Variants in KLHL1 observed in about 807,000 individuals in gnomAD.
KLHL1 encodes the protein kelch like family member 1.
Under a neutral mutation model 77.7 loss-of-function variants are expected in KLHL1, and 47 were observed. That is an observed-to-expected ratio of 0.60 (90% CI 0.48 to 0.77). The LOEUF is 0.77. Among genes scored for constraint, KLHL1 ranks in the 30% least tolerant of loss-of-function variants. The probability of loss-of-function intolerance (pLI) is 0.00; values close to 1 mark genes in which losing one functional copy is unlikely to be tolerated. For missense variants in KLHL1, 925 were observed against 910.8 expected, an observed-to-expected ratio of 1.02 and a Z score of -0.20; for synonymous variants, 360 against 325.2, an observed-to-expected ratio of 1.11 and a Z score of -1.15.
chr13:69,746,308 T>G (rs1397382481), intron 7 of KLHL1, among the ~76,000 whole-genome samples: 2 of 151,822 alleles, frequency 1.3e-5, no homozygotes, highest in East Asian at 3.8e-4. Context: ...TATTTTGGCT[T>G]ACTTCAATGA....
At chr13:69,852,787 G>A (rs1008942011) in intron 5 of KLHL1, among the ~76,000 whole-genome samples, 1 of 151,906 alleles carries the variant, frequency 6.6e-6, no homozygotes, top group East Asian at 1.9e-4. Flanking sequence ...ATTCCACTGG[G>A]CATATACTTT....
Position 69,785,438 on chromosome 13 carries a change from A to AGAT in KLHL1, c.1639+11297_1639+11299dup, listed in dbSNP as rs576423065. On this transcript the variant is annotated intron_variant, in intron 7 of 10. Coordinates refer to ENST00000377844, the MANE Select transcript of KLHL1 (RefSeq NM_020866.3). ...CATAACGAAATGAAGGCAGAAATAAAGATGTTCTTTGAAACCTATGAGAAC... is the reference window on the plus strand; with the variant it reads ...CATAACGAAATGAAGGCAGAAATAAAGATGATGTTCTTTGAAACCTATGAGAAC... Among the ~76,000 whole-genome samples, 494 of 152,284 alleles carry AGAT rather than the reference A, an allele frequency of 3.2e-3. 3 individuals carry two copies. The highest frequency in any genetic ancestry group is 0.011 in the African/African-American group (472 of 41,552).
At chr13:69,912,235 AT>A (rs1882262584) in intron 4 of KLHL1, among the ~76,000 whole-genome samples, 1 of 152,120 alleles carries the variant, frequency 6.6e-6, no homozygotes, top group Non-Finnish European at 1.5e-5. Flanking sequence ...AAAGTTGATA[AT>A]TTCTTCCTGT....
intron 5 of KLHL1, among the ~76,000 whole-genome samples, chr13:69,871,781 A>G (rs755407286): frequency 6.6e-6 from 1 of 151,134 alleles, no homozygotes; most frequent in Non-Finnish European, 1.5e-5. Flanking sequence ...TCCAGTTCCC[A>G]ATAAGTTCCT....
In KLHL1 at chr13:69,978,488, ATTTT is replaced by A. The variant is rs66960703; in HGVS notation, c.498-2690_498-2687del. 6.5e-3 allele frequency among the ~76,000 whole-genome samples: 909 copies of A among 139,752 alleles called. 8 individuals are homozygous for A. Among genetic ancestry groups the A allele is most frequent in the Middle Eastern group, 0.022 (6 of 272 alleles). The allele number at this position is 139,752 out of a possible 152,430, so 91.7% of individuals were successfully genotyped here. A position where few individuals can be genotyped will look rare whatever the true frequency, so the allele number is the denominator to read the frequency against. ...TTAAAGGAAATATTCTGGTCAGAAT[ATTTT>A]TTTTTTTTTTTTGAGACAAAGTCTC... On this transcript the variant is annotated intron_variant, in intron 1 of 10. Transcript: ENST00000377844.
At chr13:69,895,578 C>T (rs866545221) in intron 4 of KLHL1, among the ~76,000 whole-genome samples, 19 of 152,266 alleles carry the variant, frequency 1.2e-4, no homozygotes, top group South Asian at 4.1e-4. Context: ...TACTGCAGTT[C>T]TGGAGGTCAG....
At chr13:70,058,473 A>G (rs1886800571) in intron 1 of KLHL1, among the ~76,000 whole-genome samples, 1 of 152,206 alleles carries the variant, frequency 6.6e-6, no homozygotes, top group South Asian at 2.1e-4. Context: ...CTAATCCCAC[A>G]TATAGTAGCC....
chr13:69,873,823 C>T (rs115775601), intron 5 of KLHL1, among the ~76,000 whole-genome samples: 1 of 152,082 alleles, frequency 6.6e-6, no homozygotes, highest in Non-Finnish European at 1.5e-5. Flanking sequence ...TATTTGTTTA[C>T]TCAGTAAAAA....
chr13:70,106,551 T>C (rs780135642), intron 1 of KLHL1, among the ~76,000 whole-genome samples: 4 of 152,072 alleles, frequency 2.6e-5, no homozygotes, highest in Non-Finnish European at 4.4e-5. Context: ...AGCCAACAAA[T>C]CACAACAGCT....
At chr13:70,051,834 T>A (rs1162879475) in intron 1 of KLHL1, among the ~76,000 whole-genome samples, 1 of 152,004 alleles carries the variant, frequency 6.6e-6, no homozygotes, top group Non-Finnish European at 1.5e-5. Context: ...GGTAGACTGC[T>A]AAGGAAATAC....
At chr13:70,092,341 C>T (rs917549764) in intron 1 of KLHL1, among the ~76,000 whole-genome samples, 12 of 152,212 alleles carry the variant, frequency 7.9e-5, no homozygotes, top group Middle Eastern at 6.8e-3. Context: ...CTGAATTCTA[C>T]CTATATGACT....
intron 1 of KLHL1, among the ~76,000 whole-genome samples, chr13:70,083,877 A>G (rs1255513992): frequency 6.6e-6 from 1 of 152,136 alleles, no homozygotes; most frequent in Non-Finnish European, 1.5e-5. Flanking sequence ...TGATTTTTCA[A>G]TTAATATAAT....
chr13:70,062,185 C>A (rs1022539526), intron 1 of KLHL1, among the ~76,000 whole-genome samples: 2 of 152,102 alleles, frequency 1.3e-5, no homozygotes, highest in African/African-American at 2.4e-5. Context: ...TGAAACATAA[C>A]AAATTTGAAT....
intron 4 of KLHL1, among the ~76,000 whole-genome samples, chr13:69,911,462 C>A (rs1228502436): frequency 6.6e-6 from 1 of 151,006 alleles, no homozygotes; most frequent in African/African-American, 2.4e-5. Flanking sequence ...TTTAAGCAAG[C>A]TATTAGGGGT....
intron 1 of KLHL1, among the ~76,000 whole-genome samples, chr13:70,038,792 C>A (rs909111711): frequency 6.6e-6 from 1 of 151,448 alleles, no homozygotes; most frequent in East Asian, 2.0e-4. Context: ...GGTTTCACCA[C>A]GTTGGCCAGG....
chr13:69,767,707 G>A (rs767732361), intron 7 of KLHL1, among the ~76,000 whole-genome samples: 14 of 151,794 alleles, frequency 9.2e-5, no homozygotes, highest in East Asian at 1.9e-4. Context: ...CTTTCCTTTC[G>A]TTTTCTCAGT....
chr13:69,764,929 CTTTTTTTTTTTTTTTTTTTT>C (rs71196263), intron 7 of KLHL1, among the ~76,000 whole-genome samples: 19 of 39,714 alleles, frequency 4.8e-4, no homozygotes, highest in South Asian at 1.5e-3. Context: ...TATATCTTTG[CTTTTTTTTTTTTTTTTTTTT>C]TTTTTTTTTT....
intron 2 of KLHL1, among the ~76,000 whole-genome samples, chr13:69,963,187 T>G (rs867287665): frequency 1.0e-4 from 15 of 145,780 alleles, no homozygotes; most frequent in Middle Eastern, 3.5e-3. Context: ...CTCAGCCTCC[T>G]GTGTAGCTGG....
intron 3 of KLHL1, among the ~76,000 whole-genome samples, chr13:69,944,228 A>G (rs981403156): frequency 1.3e-5 from 2 of 152,130 alleles, no homozygotes; most frequent in African/African-American, 4.8e-5. Flanking sequence ...ATGCAGGCCT[A>G]TGCGATCAAC....
Sources: gnomAD v4.1 joint callset for allele counts (sites outside exome capture counted in the v4.1 genomes callset) on GRCh38, gnomAD v4.1.1 for gene constraint, MANE v1.5 for transcripts, NCBI Gene and HGNC (gene_info 2026-07-23, HGNC 2026-07-21) for gene names.